CCT6B: variants seen among roughly 807,000 people sequenced by gnomAD.
The protein encoded by CCT6B is chaperonin containing TCP1 subunit 6B.
A neutral mutation model predicts 61.5 loss-of-function variants in CCT6B; 49 were observed. The observed-to-expected ratio is 0.80, with a 90% CI of 0.63 to 1.01. CCT6B has a LOEUF of 1.01. Ranked by LOEUF, CCT6B falls within the 50% of genes least tolerant of loss-of-function variation. The pLI, the probability that CCT6B is intolerant of heterozygous loss-of-function variation, is 0.00. For synonymous variants in CCT6B, 228 were observed against 214.5 expected (o/e 1.06, Z -0.55); for missense variants, 666 against 634.7 (o/e 1.05, Z -0.53).
chr17:34,939,375 T>C, intron 9 of CCT6B, 45 bp from the exon 10 acceptor site: 1 of 1,488,210 alleles, frequency 6.7e-7, no homozygotes, highest in Non-Finnish European at 9.3e-7. Context: ...TTTGATGTCA[T>C]TATAAAATCA....
rs1253529390 is a variant in CCT6B, at chr17:34,932,360, G to A, written c.1347+7C>T. 1.2e-6 allele frequency: 2 copies of A among 1,602,106 alleles called. No individual in the cohort carries two copies. Among genetic ancestry groups the A allele is most frequent in the South Asian group, 1.1e-5 (1 of 88,134 alleles). ...CAGTTGTTATTTGGCCGAAAGGGTA[G>A]TTGTACCTTGGGAATAATGAGTAAG... is the stretch of plus-strand genomic sequence containing the variant. On this transcript the variant is annotated splice_region_variant and intron_variant, in intron 11 of 13. Transcript: ENST00000314144.
At chr17:34,954,360 G>A (rs957786545) in intron 4 of CCT6B, 66 bp downstream of exon 4, 2 of 1,305,154 alleles carry the variant, frequency 1.5e-6, no homozygotes, top group Non-Finnish European at 2.1e-6. Context: ...TTATCTTACA[G>A]AAAAAGAAAA....
At chr17:34,931,246 C>T (rs960550314) in intron 11 of CCT6B, among the ~76,000 whole-genome samples, 195 bp from the exon 12 acceptor site, 4 of 152,008 alleles carry the variant, frequency 2.6e-5, no homozygotes, top group African/African-American at 9.7e-5. Context: ...TTTACTTAAA[C>T]ATTTCCCCTA....
intron 10 of CCT6B, among the ~76,000 whole-genome samples, chr17:34,936,577 G>A (rs1471386630): frequency 3.3e-5 from 5 of 152,102 alleles, no homozygotes; most frequent in Non-Finnish European, 5.9e-5. Flanking sequence ...TAGCAAGGTT[G>A]CAGAATTCAA....
At chr17:34,953,343 T>A (rs530044068) in intron 4 of CCT6B, among the ~76,000 whole-genome samples, 1,816 of 134,450 alleles carry the variant, frequency 0.014, 25 homozygotes, top group African/African-American at 0.041. Flanking sequence ...ATATATATAT[T>A]TTTTTGAGAC....
intron 13 of CCT6B, 106 bp from the exon 14 acceptor site, chr17:34,928,223 G>A (rs949946344): frequency 1.8e-5 from 11 of 608,622 alleles, no homozygotes; most frequent in Non-Finnish European, 3.2e-5. Flanking sequence ...AATGATGTTA[G>A]TATGATGTTT....
At position 34,930,951 on chromosome 17, in the gene CCT6B, G is replaced by A. The variant is rs751683578; in HGVS notation, c.1448C>T (p.Thr483Ile). ...SKQLVGVDLN[T>I]GEPMVAADAG... Reference sequence around the variant, plus strand: ...CTAATTTTCCTTCACTTTCTTACCTGTATTCAAATCTACGCCCACAAGTTG... The same window carrying A: ...CTAATTTTCCTTCACTTTCTTACCTATATTCAAATCTACGCCCACAAGTTG... The change falls in exon 12 of 14, where the codon ACA becomes ATA. Residue 483 changes from threonine to isoleucine, a missense_variant and splice_region_variant. Physicochemically the swap from Thr to Ile is moderately conservative, Grantham distance 89. Transcript: ENST00000314144. 4 of 1,553,974 alleles carry A rather than the reference G, an allele frequency of 2.6e-6. No individual in the cohort carries two copies. The highest frequency in any genetic ancestry group is 3.5e-6 in the Non-Finnish European group (4 of 1,128,172).
intron 4 of CCT6B, among the ~76,000 whole-genome samples, chr17:34,953,955 A>C (rs543151434): frequency 2.6e-5 from 4 of 152,190 alleles, no homozygotes; most frequent in Non-Finnish European, 5.9e-5. Flanking sequence ...CTCTGTCTCA[A>C]ATAAATTAAT....
Position 34,961,364 on chromosome 17 carries a change from C to G in CCT6B, c.30G>C (p.Lys10Asn). ...CTGCCCGGGCCCGCGCCACCTCAGC[C>G]TTGGAGTTGACGGCCTTTATCGCAG... MAAIKAVNS[K>N]AEVARARAAL... The change falls in exon 1 of 14, where the codon AAG (lysine) becomes AAC (asparagine). Residue 10 changes from lysine to asparagine, a missense_variant. Transcript: ENST00000314144. The G allele has an allele frequency of 1.2e-6, 2 of 1,611,354 alleles. No individual in the cohort carries two copies. The highest frequency in any genetic ancestry group is 1.7e-6 in the Non-Finnish European group (2 of 1,179,722).
intron 11 of CCT6B, among the ~76,000 whole-genome samples, chr17:34,932,137 G>C (rs776491836): frequency 1.3e-5 from 2 of 152,158 alleles, no homozygotes; most frequent in African/African-American, 2.4e-5. Context: ...TTGGAACTCA[G>C]AGAAAGAAGC....
At chr17:34,953,109 G>T (rs1361007381) in intron 4 of CCT6B, among the ~76,000 whole-genome samples, 2 of 151,976 alleles carry the variant, frequency 1.3e-5, no homozygotes, top group East Asian at 3.9e-4. Context: ...TTTGGCATTT[G>T]TAGTTCTCAA....
chr17:34,929,784 G>A (rs1023845372), intron 12 of CCT6B, among the ~76,000 whole-genome samples: 2 of 152,058 alleles, frequency 1.3e-5, no homozygotes, highest in Non-Finnish European at 2.9e-5. Context: ...AGAGTGCTGG[G>A]ATTACAGGCG....
At chr17:34,942,333 T>G in intron 7 of CCT6B, 151 bp downstream of exon 7, 1 of 590,674 alleles carries the variant, frequency 1.7e-6, no homozygotes, top group South Asian at 2.3e-5. Context: ...GTCAACACAA[T>G]GTAAAAGGTG....
chr17:34,941,425 C>T (rs548547952), intron 7 of CCT6B, among the ~76,000 whole-genome samples: 2 of 152,300 alleles, frequency 1.3e-5, no homozygotes, highest in East Asian at 1.9e-4. Flanking sequence ...AACAAAAACT[C>T]ACATTTGTTA....
intron 10 of CCT6B, 48 bp from the exon 11 acceptor site, chr17:34,932,548 A>C (rs1463402890): frequency 2.0e-6 from 3 of 1,535,562 alleles, no homozygotes; most frequent in Non-Finnish European, 2.6e-6. Context: ...ATAAAGACCA[A>C]AAGAGAGAGA....
Position 34,949,131 on chromosome 17 carries a change from G to A in CCT6B, c.614+2819C>T, listed in dbSNP as rs562362059. ...GAGAAAAGAAAAGAAAAGGAGAAAA[G>A]CATAGAAAAGAAAAGGAGAAAATCA... is the stretch of plus-strand genomic sequence containing the variant. On this transcript the variant is annotated intron_variant, in intron 5 of 13. Transcript: ENST00000314144. Among the ~76,000 whole-genome samples the A allele has an allele frequency of 1.1e-3, 164 of 145,800 alleles. 1 individual carries two copies. Among genetic ancestry groups the A allele is most frequent in the African/African-American group, 3.7e-3 (147 of 39,580 alleles).
chr17:34,939,841 C>T (rs560198550), intron 8 of CCT6B, 128 bp from the exon 9 acceptor site: 3 of 643,530 alleles, frequency 4.7e-6, no homozygotes, highest in Non-Finnish European at 5.6e-6. Context: ...TTTTAATTGT[C>T]TAATAAAATT....
chr17:34,935,646 A>G (rs2090085342), intron 10 of CCT6B, among the ~76,000 whole-genome samples: 1 of 152,094 alleles, frequency 6.6e-6, no homozygotes, highest in Non-Finnish European at 1.5e-5. Context: ...ACCTGAGGTC[A>G]GGAGTTCGAG....
intron 8 of CCT6B, among the ~76,000 whole-genome samples, chr17:34,940,261 A>G (rs1274268634): frequency 6.6e-6 from 1 of 152,184 alleles, no homozygotes; most frequent in Non-Finnish European, 1.5e-5. Flanking sequence ...CCATATATAA[A>G]AGTGAGATCA....
Sources: gnomAD v4.1 joint callset for allele counts (sites outside exome capture counted in the v4.1 genomes callset) on GRCh38, gnomAD v4.1.1 for gene constraint, MANE v1.5 for transcripts, NCBI Gene and HGNC (gene_info 2026-07-23, HGNC 2026-07-21) for gene names.